Variants in ARSG observed in about 807,000 individuals in gnomAD.
ARSG encodes ASG.
A neutral mutation model predicts 50.5 loss-of-function variants in ARSG; 37 were observed. The ratio of observed to expected loss-of-function variants is 0.73; its 90% confidence interval spans 0.56 to 0.96. The LOEUF (loss-of-function observed/expected upper bound fraction) is 0.96. Ranked by LOEUF, ARSG falls within the 50% of genes least tolerant of loss-of-function variation. ARSG has a pLI of 0.00. For missense variants in ARSG, 629 were observed against 675.3 expected (o/e 0.93, Z 0.76); for synonymous variants, 225 against 254.6 (o/e 0.88, Z 1.11).
intron 6 of ARSG, among the ~76,000 whole-genome samples, chr17:68,361,864 C>T (rs1217047588): frequency 2.6e-5 from 4 of 152,018 alleles, no homozygotes; most frequent in South Asian, 2.1e-4. Context: ...TGCAGTGAGC[C>T]GAGATCATGC....
Position 68,420,539 on chromosome 17 carries a change from C to T in ARSG, c.*76C>T, listed in dbSNP as rs2082707585. 1.3e-6 allele frequency: 2 copies of T among 1,491,832 alleles called. No individual in the cohort carries two copies. The highest frequency in any genetic ancestry group is 1.8e-6 in the Non-Finnish European group (2 of 1,086,004). The allele number at this position is 1,491,832 out of a possible 1,614,324, so 92.4% of individuals were successfully genotyped here. On this transcript the variant is annotated 3_prime_UTR_variant, in exon 12 of 12. Coordinates refer to ENST00000621439, the MANE Select transcript of ARSG (RefSeq NM_001267727.2). ...TGCTTCCAAATTTCATTTTTACCCT[C>T]TTTACAAACACACGCTTTAGTTTAG...
the ARSG span, among the ~76,000 whole-genome samples, chr17:68,436,015 A>G: frequency 6.6e-6 from 1 of 152,222 alleles, no homozygotes; most frequent in Non-Finnish European, 1.5e-5. Flanking sequence ...GCAACTTCCC[A>G]CAGCAATCTT....
At chr17:68,354,292 A>G (rs1001444142) in intron 5 of ARSG, among the ~76,000 whole-genome samples, 1 of 151,570 alleles carries the variant, frequency 6.6e-6, no homozygotes, top group African/African-American at 2.4e-5. Flanking sequence ...GTGGTGGCCC[A>G]TGCCTGTAGT....
intron 1 of ARSG, among the ~76,000 whole-genome samples, chr17:68,293,301 G>C (rs971594434): frequency 6.6e-6 from 1 of 152,098 alleles, no homozygotes; most frequent in East Asian, 1.9e-4. Flanking sequence ...TATGTCTTAG[G>C]AACCTAAAGG....
At chr17:68,439,667 C>T in the ARSG span, among the ~76,000 whole-genome samples, 6 of 152,268 alleles carry the variant, frequency 3.9e-5, no homozygotes, top group East Asian at 1.2e-3. Flanking sequence ...TATTTTAAGG[C>T]ATGTTTCAGG....
At chr17:68,372,939 T>G (rs374206099) in intron 8 of ARSG, among the ~76,000 whole-genome samples, 183 of 136,576 alleles carry the variant, frequency 1.3e-3, no homozygotes, top group African/African-American at 4.5e-3. Flanking sequence ...TCACCCAGGC[T>G]GGAGTGCAGT....
chr17:68,375,281 C>T lies in ARSG; in HGVS notation c.982+4757C>T, dbSNP rs180771332. Among the ~76,000 whole-genome samples, 223 of 152,328 alleles carry T rather than the reference C, an allele frequency of 1.5e-3. 2 individuals carry two copies. The highest frequency in any genetic ancestry group is 4.8e-3 in the African/African-American group (198 of 41,586). On this transcript the variant is annotated intron_variant, in intron 8 of 11. Transcript: ENST00000621439. Reference sequence around the variant, plus strand: ...TACATCTAGACCATGAGTCTAGAATCATCTGAGTGTAGAACTTTCAACTTT... The same window carrying T: ...TACATCTAGACCATGAGTCTAGAATTATCTGAGTGTAGAACTTTCAACTTT...
intron 3 of ARSG, 111 bp from the exon 4 acceptor site, chr17:68,347,014 C>G (rs1487795730): frequency 6.4e-7 from 1 of 1,560,394 alleles, no homozygotes; most frequent in Non-Finnish European, 8.7e-7. Flanking sequence ...TTTGGCTTGT[C>G]CACAGTGCGA....
chr17:68,408,637 C>T (rs1166644357), intron 11 of ARSG, among the ~76,000 whole-genome samples: 2 of 152,238 alleles, frequency 1.3e-5, no homozygotes, highest in South Asian at 2.1e-4. Flanking sequence ...TGGGTATATA[C>T]GCAGTAATGG....
At chr17:68,324,257 C>T (rs1023336795) in intron 2 of ARSG, among the ~76,000 whole-genome samples, 1 of 152,050 alleles carries the variant, frequency 6.6e-6, no homozygotes. Flanking sequence ...ATGTTGACCA[C>T]GCTGACATTC....
intron 1 of ARSG, among the ~76,000 whole-genome samples, chr17:68,299,108 T>C (rs1320733213): frequency 1.4e-5 from 2 of 145,948 alleles, no homozygotes; most frequent in African/African-American, 5.1e-5. Context: ...AACTTTTTTT[T>C]TTTTTTTTTT....
chr17:68,393,985 A>T (rs2081118388), intron 9 of ARSG, among the ~76,000 whole-genome samples: 1 of 150,798 alleles, frequency 6.6e-6, no homozygotes. Flanking sequence ...TAGAGATGGG[A>T]TTTTGCCCTA....
downstream of ARSG, chr17:68,427,004 G>A: frequency 4.1e-6 from 3 of 729,104 alleles, no homozygotes; most frequent in Admixed American, 2.5e-5. Context: ...AGGTAACAGT[G>A]AAGGGGGAAG....
At chr17:68,346,635 C>T (rs746868665) in intron 3 of ARSG, 19 of 938,964 alleles carry the variant, frequency 2.0e-5, no homozygotes, top group African/African-American at 3.5e-5. Flanking sequence ...TTTGCTGCCC[C>T]GTAGGTGTCT....
rs1481459508 is a variant in ARSG, at chr17:68,367,825, C to T, written c.705-723C>T. Reference sequence around the variant, plus strand: ...GTGGCTCACGCCTGTAATCCCAGCACTTTGGGAGGCCGAGGAGGGCAGCTC... The same window carrying T: ...GTGGCTCACGCCTGTAATCCCAGCATTTTGGGAGGCCGAGGAGGGCAGCTC... On this transcript the variant is annotated intron_variant, in intron 6 of 11. Coordinates refer to ENST00000621439, the MANE Select transcript of ARSG (RefSeq NM_001267727.2). This position sits in a 1 kb window ranked among gnomAD's most constrained non-coding sequence, Gnocchi z 4.5. 1.3e-5 allele frequency among the ~76,000 whole-genome samples: 2 copies of T among 152,182 alleles called. No homozygotes were observed. Among genetic ancestry groups the T allele is most frequent in the African/African-American group, 2.4e-5 (1 of 41,452 alleles).
intron 11 of ARSG, among the ~76,000 whole-genome samples, chr17:68,405,372 A>G (rs1247536663): frequency 1.3e-5 from 2 of 152,018 alleles, no homozygotes; most frequent in African/African-American, 4.8e-5. Context: ...TTTCAGCTAT[A>G]TTTTATGGTT....
chr17:68,289,846 G>A (rs1184401509), upstream of ARSG, among the ~76,000 whole-genome samples: 1 of 152,108 alleles, frequency 6.6e-6, no homozygotes, highest in East Asian at 1.9e-4. Flanking sequence ...CATTACACTG[G>A]AAGGAGCTTT....
rs1555764907 is a variant in ARSG, at chr17:68,307,675, C to T, written c.182C>T (p.Thr61Ile). ...LGANWAETKD[T>I]ANLDKMASEG... Reference sequence around the variant, plus strand: ...GCAAACTGGGCAGAAACAAAGGACACTGCCAACCTTGATAAGATGGCTTCG... The same window carrying T: ...GCAAACTGGGCAGAAACAAAGGACATTGCCAACCTTGATAAGATGGCTTCG... Residue 61 changes from threonine (T) to isoleucine (I), a missense_variant, in exon 2 of 12, where the codon ACT becomes ATT. Coordinates refer to ENST00000621439, the MANE Select transcript of ARSG (RefSeq NM_001267727.2). 2 of 1,605,366 alleles carry T rather than the reference C, an allele frequency of 1.2e-6. No individual in the cohort carries two copies. Among genetic ancestry groups the T allele is most frequent in the East Asian group, 2.2e-5 (1 of 44,844 alleles).
downstream of ARSG, among the ~76,000 whole-genome samples, chr17:68,423,124 C>G (rs2082918501): frequency 1.3e-5 from 2 of 152,268 alleles, no homozygotes; most frequent in Middle Eastern, 3.4e-3. This position sits in a 1 kb window ranked among gnomAD's most constrained non-coding sequence, Gnocchi z 4.4. Context: ...CGATTTTAAC[C>G]AAGCTGAGAC....
Sources: allele counts gnomAD v4.1 joint callset (sites outside exome capture counted in the v4.1 genomes callset), GRCh38; gene constraint gnomAD v4.1.1; non-coding constraint Gnocchi (gnomAD v3.1); transcripts MANE v1.5; gene names NCBI Gene and HGNC (gene_info 2026-07-23, HGNC 2026-07-21).